TMED10: variants seen among roughly 807,000 people sequenced by gnomAD.
TMED10 encodes the protein transmembrane emp24 domain-containing protein 10.
In TMED10, 7 loss-of-function variants were observed where a neutral mutation model predicts 23.1. The ratio of observed to expected loss-of-function variants is 0.30; its 90% CI spans 0.17 to 0.57. The LOEUF (loss-of-function observed/expected upper bound fraction) is 0.57. TMED10 is among the 20% of genes least tolerant of loss of function. TMED10 has a pLI of 0.91. For missense variants in TMED10, 162 were observed against 274.8 expected, an observed-to-expected ratio of 0.59 and a Z score of 2.90; for synonymous variants, 113 against 106.9, an observed-to-expected ratio of 1.06 and a Z score of -0.35.
intron 1 of TMED10, among the ~76,000 whole-genome samples, chr14:75,164,573 A>T (rs71429080): frequency 0.25 from 766 of 3,120 alleles, 58 homozygotes; most frequent in East Asian, 0.42. Context: ...ATATATATAT[A>T]TATATTTTTT....
In TMED10 at chr14:75,131,988, G is replaced by C. The variant is rs897718347; in HGVS notation, c.*2897C>G. The C allele has an allele frequency of 5.2e-5, 8 of 152,592 alleles. No homozygotes were observed. The highest frequency in any genetic ancestry group is 1.4e-4 in the African/African-American group (6 of 41,440). 9.5% of individuals were successfully genotyped at this position (152,592 alleles called of 1,614,324 possible). A position where few individuals can be genotyped will look rare whatever the true frequency, so the allele number is the denominator to read the frequency against. Reference sequence around the variant, plus strand: ...TGTCACATCACAAGAACATAACTAAGAGAGTAGCTTTCGTTGCTCCTAAAA... The same window carrying C: ...TGTCACATCACAAGAACATAACTAACAGAGTAGCTTTCGTTGCTCCTAAAA... On this transcript the variant is annotated 3_prime_UTR_variant, in exon 5 of 5. Transcript: ENST00000303575.
chr14:75,163,138 A>G (rs927654450), intron 1 of TMED10, among the ~76,000 whole-genome samples: 2 of 151,788 alleles, frequency 1.3e-5, no homozygotes, highest in African/African-American at 4.9e-5. Context: ...GCTACTCAGA[A>G]GCCTCAGGGA....
intron 3 of TMED10, among the ~76,000 whole-genome samples, chr14:75,143,006 C>G (rs1423797536): frequency 5.9e-5 from 9 of 152,034 alleles, no homozygotes; most frequent in African/African-American, 2.2e-4. Context: ...TTACAGGCGC[C>G]TGCCACCACA....
At chr14:75,157,212 G>T (rs1896030451) in intron 1 of TMED10, among the ~76,000 whole-genome samples, 2 of 152,230 alleles carry the variant, frequency 1.3e-5, no homozygotes, top group South Asian at 4.1e-4. Flanking sequence ...TGAGTGGTTT[G>T]GAAAGATAAA....
chr14:75,143,638 A>G (rs1306846727), intron 3 of TMED10, among the ~76,000 whole-genome samples: 1 of 152,086 alleles, frequency 6.6e-6, no homozygotes, highest in African/African-American at 2.4e-5. Context: ...AACACAAGCA[A>G]GATAAACATA....
chr14:75,135,717 A>G, intron 4 of TMED10, 43 bp downstream of exon 4: 3 of 1,603,840 alleles, frequency 1.9e-6, no homozygotes, highest in Non-Finnish European at 2.5e-6. Flanking sequence ...AGACTGTCTC[A>G]TTTATGGGTC....
intron 1 of TMED10, among the ~76,000 whole-genome samples, chr14:75,154,401 C>CGAAAAAAAAAA (rs1246155366): frequency 2.0e-4 from 3 of 15,252 alleles, no homozygotes; most frequent in African/African-American, 7.1e-4. Context: ...GACTCTGTCT[C>CGAAAAAAAAAA]AAAAAAAAAA....
At chr14:75,173,539 T>C (rs1455930378) in intron 1 of TMED10, among the ~76,000 whole-genome samples, 1 of 151,990 alleles carries the variant, frequency 6.6e-6, no homozygotes, top group Non-Finnish European at 1.5e-5. Flanking sequence ...CCATTTATCA[T>C]CACTGCTTTT....
At chr14:75,149,001 C>T (rs1189290860) in intron 2 of TMED10, among the ~76,000 whole-genome samples, 1 of 152,218 alleles carries the variant, frequency 6.6e-6, no homozygotes, top group East Asian at 1.9e-4. Flanking sequence ...ACTGTAGCCT[C>T]GAACTCCTGG....
chr14:75,139,428 C>A (rs180945153), intron 3 of TMED10, among the ~76,000 whole-genome samples: 1 of 152,180 alleles, frequency 6.6e-6, no homozygotes, highest in Admixed American at 6.5e-5. Context: ...CTATTCATAA[C>A]CAAACAGTCA....
intron 1 of TMED10, among the ~76,000 whole-genome samples, chr14:75,168,279 C>T (rs1896189080): frequency 6.6e-6 from 1 of 152,078 alleles, no homozygotes; most frequent in Non-Finnish European, 1.5e-5. Context: ...GTCTTTGTTC[C>T]CCACAAGAGC....
intron 1 of TMED10, among the ~76,000 whole-genome samples, chr14:75,164,562 TATATATATA>T (rs1896132352): frequency 5.8e-4 from 2 of 3,474 alleles, no homozygotes; most frequent in Admixed American, 2.5e-3. Context: ...TATATATATA[TATATATATA>T]TATATATTTT....
chr14:75,154,824 C>T (rs146252115), intron 1 of TMED10, among the ~76,000 whole-genome samples: 3,344 of 152,036 alleles, frequency 0.022, 81 homozygotes, highest in African/African-American at 0.055. Flanking sequence ...CCACCACACC[C>T]GGCTAATTTT....
chr14:75,142,508 T>C (rs377326650), intron 3 of TMED10, among the ~76,000 whole-genome samples: 4 of 152,290 alleles, frequency 2.6e-5, no homozygotes, highest in South Asian at 4.1e-4. Flanking sequence ...CAAGCCTCCT[T>C]GAAAGCCTCC....
intron 1 of TMED10, among the ~76,000 whole-genome samples, chr14:75,173,802 C>T (rs1594877563): frequency 6.6e-6 from 1 of 152,334 alleles, no homozygotes; most frequent in East Asian, 1.9e-4. Context: ...ACGGTGTCAG[C>T]TCACTGCAGC....
intron 1 of TMED10, among the ~76,000 whole-genome samples, chr14:75,154,401 C>CAAAAAAAA (rs1166201835): frequency 0.073 from 1,114 of 15,252 alleles, 513 homozygotes; most frequent in East Asian, 0.19. Context: ...GACTCTGTCT[C>CAAAAAAAA]AAAAAAAAAA....
intron 1 of TMED10, among the ~76,000 whole-genome samples, chr14:75,166,849 G>A (rs1365827202): frequency 1.3e-5 from 2 of 151,272 alleles, no homozygotes; most frequent in Non-Finnish European, 2.9e-5. Flanking sequence ...TCTCCCTACA[G>A]AAAAAGTCTG....
intron 1 of TMED10, among the ~76,000 whole-genome samples, chr14:75,167,789 G>C (rs565725222): frequency 6.6e-6 from 1 of 152,026 alleles, no homozygotes; most frequent in Non-Finnish European, 1.5e-5. Flanking sequence ...AGGTTGCAGC[G>C]AGCTATGATC....
rs1399750742 is a variant in TMED10, at chr14:75,135,686, A to C, written c.538+74T>G. On this transcript the variant is annotated intron_variant, in intron 4 of 4. Coordinates refer to ENST00000303575, the MANE Select transcript of TMED10 (RefSeq NM_006827.6). Reference sequence around the variant, plus strand: ...ACCTTGGCAAAACTGAGAAAAGGGTACACCAGAATTGAAAGTTTGGAGACT... The same window carrying C: ...ACCTTGGCAAAACTGAGAAAAGGGTCCACCAGAATTGAAAGTTTGGAGACT... 13 of 1,575,968 alleles carry C rather than the reference A, an allele frequency of 8.2e-6. No individual in the cohort carries two copies. In the Admixed American group the frequency reaches 2.5e-4, roughly 31 times the overall value.
Sources: allele counts gnomAD v4.1 joint callset (sites outside exome capture counted in the v4.1 genomes callset), GRCh38; gene constraint gnomAD v4.1.1; transcripts MANE v1.5; gene names NCBI Gene and HGNC (gene_info 2026-07-23, HGNC 2026-07-21).